ADGRL3: variants seen among roughly 807,000 people sequenced by gnomAD.
ADGRL3 encodes the protein calcium-independent alpha-latrotoxin receptor 3.
A neutral mutation model predicts 153.5 loss-of-function variants in ADGRL3; 62 were observed. The observed-to-expected ratio is 0.40, with a 90% CI of 0.33 to 0.50. The LOEUF (loss-of-function observed/expected upper bound fraction) is 0.50, where lower values mean the gene tolerates loss of function less well. Ranked by LOEUF, ADGRL3 falls within the 20% of genes least tolerant of loss-of-function variation. The probability of loss-of-function intolerance (pLI) is 0.47; values close to 1 mark genes in which losing one functional copy is unlikely to be tolerated. For missense variants in ADGRL3, 1,641 were observed against 1,859.4 expected (o/e 0.88, Z 2.16); for synonymous variants, 710 against 672.5 (o/e 1.06, Z -0.86).
In ADGRL3 at chr4:61,488,216, T is replaced by C. The variant is rs1237139114; in HGVS notation, c.-173-8905T>C. 2.0e-5 allele frequency among the ~76,000 whole-genome samples: 3 copies of C among 152,064 alleles called. No homozygotes were observed. In the South Asian group the frequency reaches 6.2e-4, roughly 31 times the overall value. On this transcript the variant is annotated intron_variant, in intron 2 of 26. Transcript: ENST00000683033. ...TACCTGAGAGACAATTAAATGAAAC[T>C]TTTATGCTAGAAAAGTTTCCTATTA...
intron 25 of ADGRL3, among the ~76,000 whole-genome samples, chr4:62,059,441 A>G (rs1381481611): frequency 1.3e-5 from 2 of 152,144 alleles, no homozygotes; most frequent in African/African-American, 4.8e-5. Flanking sequence ...TTGATTTCAA[A>G]TGGTGCATGA....
chr4:61,630,979 G>A (rs1382933083), intron 5 of ADGRL3, among the ~76,000 whole-genome samples: 1 of 152,170 alleles, frequency 6.6e-6, no homozygotes, highest in Non-Finnish European at 1.5e-5. Context: ...GTGATTAAAT[G>A]AATAAAGTAA....
At chr4:61,576,416 A>G (rs533975808) in intron 4 of ADGRL3, among the ~76,000 whole-genome samples, 4 of 151,500 alleles carry the variant, frequency 2.6e-5, no homozygotes, top group Non-Finnish European at 5.9e-5. Context: ...GAAAACTGTC[A>G]TTAGAATTTA....
intron 8 of ADGRL3, among the ~76,000 whole-genome samples, chr4:61,760,480 G>T (rs918460230): frequency 6.6e-6 from 1 of 152,190 alleles, no homozygotes; most frequent in Non-Finnish European, 1.5e-5. Context: ...TAATCTCCTG[G>T]TGTGCCATTT....
At chr4:61,663,655 C>G (rs1287491768) in intron 5 of ADGRL3, among the ~76,000 whole-genome samples, 1 of 152,286 alleles carries the variant, frequency 6.6e-6, no homozygotes, top group Non-Finnish European at 1.5e-5. Context: ...AAACATGCCA[C>G]CAGCTACAGA....
chr4:61,872,029 A>T (rs1308956065), intron 9 of ADGRL3, among the ~76,000 whole-genome samples: 1 of 152,204 alleles, frequency 6.6e-6, no homozygotes, highest in Non-Finnish European at 1.5e-5. Flanking sequence ...CTTCCTTATG[A>T]AGTGAGGAAT....
In ADGRL3 at chr4:61,236,531, C is replaced by A. The variant is rs184115568; in HGVS notation, c.-240+34766C>A. Among the ~76,000 whole-genome samples the A allele has an allele frequency of 2.0e-4, 31 of 151,952 alleles. 1 individual carries two copies. The highest frequency in any genetic ancestry group is 6.8e-3 in the Middle Eastern group (2 of 294). On this transcript the variant is annotated intron_variant, in intron 1 of 26. Transcript: ENST00000683033. ...ACATATGAATATTATTCTTTTATTT[C>A]TTTTTTTGTCCCTCCCCCTGAATGT... is the stretch of plus-strand genomic sequence containing the variant.
chr4:61,280,947 T>A (rs2149988250), intron 1 of ADGRL3, among the ~76,000 whole-genome samples: 1 of 152,208 alleles, frequency 6.6e-6, no homozygotes, highest in African/African-American at 2.4e-5. Context: ...TGACCTAATT[T>A]TTTTTGAAGA....
chr4:61,609,738 C>T (rs2099045814), intron 5 of ADGRL3, among the ~76,000 whole-genome samples: 1 of 152,004 alleles, frequency 6.6e-6, no homozygotes. Flanking sequence ...GTGTTATTTT[C>T]AAATGTGTAG....
rs33992337 is a variant in ADGRL3 at position 61,692,444 on chromosome 4, ATT to A, written c.583+15524_583+15525del. Among the ~76,000 whole-genome samples the A allele has an allele frequency of 2.7e-3, 357 of 134,510 alleles. 2 individuals carry two copies. Among genetic ancestry groups the A allele is most frequent in the Middle Eastern group, 0.019 (5 of 264 alleles). The allele number at this position is 134,510 out of a possible 152,430, so 88.2% of individuals were successfully genotyped here. A position where few individuals can be genotyped will look rare whatever the true frequency, so the allele number is the denominator to read the frequency against. ...ATTTAGTCTCTTTCTCTCTCTTCCTATTTTTTTTTTTTTTTTGAGACAGTGTC... is the reference window on the plus strand; with the variant it reads ...ATTTAGTCTCTTTCTCTCTCTTCCTATTTTTTTTTTTTTTGAGACAGTGTC... On this transcript the variant is annotated intron_variant, in intron 6 of 26. Transcript: ENST00000683033.
chr4:61,584,194 C>T (rs1579677755), intron 4 of ADGRL3, among the ~76,000 whole-genome samples: 1 of 151,834 alleles, frequency 6.6e-6, no homozygotes, highest in Admixed American at 6.6e-5. Flanking sequence ...CCATACATTC[C>T]CATTAACAAA....
intron 5 of ADGRL3, among the ~76,000 whole-genome samples, chr4:61,625,290 G>A (rs9998456): frequency 0.95 from 144,693 of 152,026 alleles, 68,989 homozygotes; most frequent in Middle Eastern, 0.99. Context: ...TGCTCTTTAT[G>A]TGGAGTGCTC....
chr4:61,542,895 T>C (rs2098696837), intron 4 of ADGRL3, among the ~76,000 whole-genome samples: 1 of 152,200 alleles, frequency 6.6e-6, no homozygotes, highest in South Asian at 2.1e-4. Flanking sequence ...CTATTTGCCA[T>C]ATACAATGTT....
intron 9 of ADGRL3, among the ~76,000 whole-genome samples, chr4:61,884,300 G>C (rs977774820): frequency 1.3e-5 from 2 of 152,134 alleles, no homozygotes; most frequent in African/African-American, 4.8e-5. Context: ...TCTACCACTT[G>C]TGAATGCTAT....
At chr4:61,541,914 C>A (rs554771242) in intron 4 of ADGRL3, among the ~76,000 whole-genome samples, 164 of 151,478 alleles carry the variant, frequency 1.1e-3, no homozygotes, top group African/African-American at 3.8e-3. Context: ...GTTTTTGAAA[C>A]CATTTTAAAT....
intron 9 of ADGRL3, among the ~76,000 whole-genome samples, chr4:61,867,539 T>TATATATATATATATATATAA (rs1001275572): frequency 7.2e-6 from 1 of 138,742 alleles, no homozygotes; most frequent in Non-Finnish European, 1.6e-5. Context: ...TATATATATA[T>TATATATATATATATATATAA]AATTGTAGGA....
chr4:61,828,512 A>T (rs902725938), intron 9 of ADGRL3, among the ~76,000 whole-genome samples: 2 of 152,178 alleles, frequency 1.3e-5, no homozygotes, highest in African/African-American at 2.4e-5. Flanking sequence ...TTGGTATCTT[A>T]CAGAAAATGA....
intron 6 of ADGRL3, among the ~76,000 whole-genome samples, chr4:61,729,123 G>A (rs1338810631): frequency 6.6e-6 from 1 of 151,844 alleles, no homozygotes. Context: ...CCTGGGTGAT[G>A]GGATCAGTCA....
chr4:61,892,633 T>C (rs1243331884), intron 9 of ADGRL3, 23 bp from the exon 10 acceptor site: 2 of 1,594,218 alleles, frequency 1.3e-6, no homozygotes, highest in Non-Finnish European at 1.7e-6. Flanking sequence ...AATGTAGGTG[T>C]TTTCTTTCTA....
Sources: gnomAD v4.1 joint callset for allele counts (sites outside exome capture counted in the v4.1 genomes callset) on GRCh38, gnomAD v4.1.1 for gene constraint, MANE v1.5 for transcripts, NCBI Gene and HGNC (gene_info 2026-07-23, HGNC 2026-07-21) for gene names.